CREB5: variants seen among roughly 807,000 people sequenced by gnomAD.
CREB5 encodes the protein cyclic AMP-responsive element-binding protein 5.
A neutral mutation model predicts 57.1 loss-of-function variants in CREB5; 19 were observed. The observed-to-expected ratio is 0.33, with a 90% CI of 0.23 to 0.49. The LOEUF is 0.49. CREB5 is among the 20% of genes least tolerant of loss of function. The probability of loss-of-function intolerance (pLI) is 0.99; values close to 1 mark genes in which losing one functional copy is unlikely to be tolerated. For synonymous variants in CREB5, 238 were observed against 238.3 expected (o/e 1.00, Z 0.01); for missense variants, 579 against 671.6 (o/e 0.86, Z 1.52).
At chr7:28,768,391 T>A (rs1192251113) in intron 7 of CREB5, among the ~76,000 whole-genome samples, 1 of 152,136 alleles carries the variant, frequency 6.6e-6, no homozygotes, top group Non-Finnish European at 1.5e-5. Context: ...CTTTCTCAAA[T>A]GGGTAAAGAA....
chr7:28,663,628 G>T (rs1799701297), intron 5 of CREB5, among the ~76,000 whole-genome samples: 1 of 152,196 alleles, frequency 6.6e-6, no homozygotes, highest in Non-Finnish European at 1.5e-5. Flanking sequence ...CTACATGGAA[G>T]TATCAGAAAC....
intron 1 of CREB5, among the ~76,000 whole-genome samples, chr7:28,318,611 C>T (rs138303469): frequency 1.3e-3 from 194 of 152,282 alleles, no homozygotes; most frequent in African/African-American, 4.5e-3. Flanking sequence ...TTGCCTGAGA[C>T]AGGAGTTGGA....
intron 5 of CREB5, among the ~76,000 whole-genome samples, chr7:28,661,511 C>T (rs73684247): frequency 0.12 from 16,946 of 143,918 alleles, 2,283 homozygotes; most frequent in African/African-American, 0.33. Context: ...TGCACAAAAT[C>T]AAAATTTTCT....
At chr7:28,468,976 A>G (rs1790700063) in intron 1 of CREB5, among the ~76,000 whole-genome samples, 1 of 152,240 alleles carries the variant, frequency 6.6e-6, no homozygotes, top group Non-Finnish European at 1.5e-5. Context: ...GTGATCTCCT[A>G]GAGACTACAT....
chr7:28,797,988 G>A (rs962501777), intron 7 of CREB5, among the ~76,000 whole-genome samples: 4 of 151,602 alleles, frequency 2.6e-5, no homozygotes, highest in Admixed American at 6.6e-5. Context: ...TTACAGTAAT[G>A]CTTTGGAGAG....
rs180916277 is a variant in CREB5 at position 28,395,889 on chromosome 7, T to C, written c.-25+96448T>C. ...AGGGGTGGGCTGGAACCCTGGAATTTGGGCTTGCTGAATGCATGCCATTCC... is the reference window on the plus strand; with the variant it reads ...AGGGGTGGGCTGGAACCCTGGAATTCGGGCTTGCTGAATGCATGCCATTCC... On this transcript the variant is annotated intron_variant, in intron 1 of 9. Coordinates refer to the CREB5 transcript ENST00000396299. 2.9e-4 allele frequency among the ~76,000 whole-genome samples: 44 copies of C among 152,262 alleles called. 1 individual carries two copies. The highest frequency in any genetic ancestry group is 9.9e-4 in the African/African-American group (41 of 41,552).
Position 28,800,239 on chromosome 7 carries a change from G to GT in CREB5, c.703-3960_703-3959insT, listed in dbSNP as rs1362061405. ...CAGGGAGAAGTTTACTAAGGAGAAG[G>GT]CTGGACTGAAGAAAGGGGATGTCTG... On this transcript the variant is annotated intron_variant, in intron 7 of 10. Transcript: ENST00000357727. Among the ~76,000 whole-genome samples the GT allele has an allele frequency of 1.1e-4, 17 of 152,178 alleles. 1 individual carries two copies. Among genetic ancestry groups the GT allele is most frequent in the Admixed American group, 1.1e-3 (17 of 15,288 alleles).
intron 1 of CREB5, among the ~76,000 whole-genome samples, chr7:28,348,363 C>T (rs1786111331): frequency 6.7e-6 from 1 of 148,866 alleles, no homozygotes; most frequent in Admixed American, 6.8e-5. Flanking sequence ...TCAACATGCG[C>T]CTGCTTTCTC....
chr7:28,677,644 A>G (rs1583528725), intron 5 of CREB5, among the ~76,000 whole-genome samples: 2 of 152,296 alleles, frequency 1.3e-5, no homozygotes, highest in East Asian at 3.9e-4. Context: ...TTCAAGGAGG[A>G]TTATTGCCCA....
At chr7:28,525,917 T>C (rs553165539) in intron 4 of CREB5, among the ~76,000 whole-genome samples, 2 of 152,326 alleles carry the variant, frequency 1.3e-5, no homozygotes, top group Non-Finnish European at 2.9e-5. Flanking sequence ...AAACCTCATA[T>C]ATAAAGTACT....
At chr7:28,542,338 G>A (rs1043760876) in intron 4 of CREB5, among the ~76,000 whole-genome samples, 5 of 152,140 alleles carry the variant, frequency 3.3e-5, no homozygotes, top group South Asian at 2.1e-4. Flanking sequence ...ACCTTAAGTC[G>A]TTGTTCCTGC....
rs535494018 is a variant in CREB5, at chr7:28,534,897, G to T, written c.291+27160G>T. The stretch of plus-strand genomic sequence containing the variant: ...CTTCTAAGTGAGAAAGCCCAGGTTT[G>T]AACCTAATAGTTTGACTCTGGAGTC... On this transcript the variant is annotated intron_variant, in intron 4 of 10. Coordinates refer to ENST00000357727, the MANE Select transcript of CREB5 (RefSeq NM_182898.4). Among the ~76,000 whole-genome samples, 7 of 141,774 alleles carry T rather than the reference G, an allele frequency of 4.9e-5. No homozygotes were observed. In the South Asian group the frequency reaches 1.5e-3, roughly 31 times the overall value. 93.0% of individuals were successfully genotyped at this position (141,774 alleles called of 152,430 possible).
chr7:28,507,563 A>C, intron 3 of CREB5, 53 bp from the exon 4 acceptor site: 1 of 1,558,874 alleles, frequency 6.4e-7, no homozygotes, highest in Non-Finnish European at 8.7e-7. Flanking sequence ...CATGCTTGCT[A>C]CTGGCTTTTG....
chr7:28,561,552 G>T (rs1795272018), intron 4 of CREB5, among the ~76,000 whole-genome samples: 1 of 152,178 alleles, frequency 6.6e-6, no homozygotes, highest in African/African-American at 2.4e-5. Context: ...ATCAGATAGG[G>T]TTGTCTCTAT....
At chr7:28,378,317 A>G (rs1786887331) in intron 1 of CREB5, among the ~76,000 whole-genome samples, 2 of 151,128 alleles carry the variant, frequency 1.3e-5, no homozygotes, top group African/African-American at 4.9e-5. Context: ...TTCTCACAAA[A>G]CTCTTTTTAA....
At chr7:28,486,002 G>A (rs546420800) in intron 1 of CREB5, among the ~76,000 whole-genome samples, 1 of 152,106 alleles carries the variant, frequency 6.6e-6, no homozygotes. Context: ...AAAGATATTT[G>A]TGTCTAAATA....
chr7:28,510,629 C>G (rs773143300), intron 4 of CREB5, among the ~76,000 whole-genome samples: 5 of 152,202 alleles, frequency 3.3e-5, no homozygotes, highest in Non-Finnish European at 7.3e-5. Context: ...GGGGAAAAGT[C>G]TGTTGTACAG....
At chr7:28,747,586 G>A (rs1298587167) in intron 7 of CREB5, among the ~76,000 whole-genome samples, 2 of 152,190 alleles carry the variant, frequency 1.3e-5, no homozygotes, top group African/African-American at 2.4e-5. Context: ...GCTGAGCAGA[G>A]AGTAGACACA....
At chr7:28,638,391 G>A (rs1798514652) in intron 5 of CREB5, among the ~76,000 whole-genome samples, 1 of 144,690 alleles carries the variant, frequency 6.9e-6, no homozygotes, top group South Asian at 2.2e-4. Context: ...TGTTGCCTAG[G>A]CTGGAGTGCA....
Sources: allele counts gnomAD v4.1 joint callset (sites outside exome capture counted in the v4.1 genomes callset), GRCh38; gene constraint gnomAD v4.1.1; transcripts MANE v1.5; gene names NCBI Gene and HGNC (gene_info 2026-07-23, HGNC 2026-07-21).